AAMP: variants seen among roughly 807,000 people sequenced by gnomAD.
The protein encoded by AAMP is angio-associated migratory cell protein.
AAMP carries 12 observed loss-of-function variants against 51.1 expected under a neutral mutation model. The observed-to-expected ratio is 0.23, with a 90% CI of 0.15 to 0.38. The LOEUF is 0.38. AAMP is among the 10% of genes least tolerant of loss of function. AAMP has a pLI of 1.00. For missense variants in AAMP, 418 were observed against 557.2 expected (o/e 0.75, Z 2.52); for synonymous variants, 210 against 218.7 (o/e 0.96, Z 0.35).
At chr2:218,269,863 T>C (rs879797049) in intron 1 of AAMP, 103 bp downstream of exon 1, 132 of 1,532,808 alleles carry the variant, frequency 8.6e-5, no homozygotes, top group Non-Finnish European at 1.1e-4. Flanking sequence ...GGGATATCGG[T>C]AGGAATGACC....
chr2:218,269,673 G>A (rs1178954334), intron 1 of AAMP, 139 bp from the exon 2 acceptor site: 1 of 1,442,430 alleles, frequency 6.9e-7, no homozygotes, highest in Non-Finnish European at 9.5e-7. Context: ...GTCCGCGGGG[G>A]CGCGCGGGAC....
Position 218,269,634 on chromosome 2 carries a change from G to C in AAMP, c.122-100C>G, listed in dbSNP as rs537195081. ...GAGGCTGGGGCGGGTCATGTGGCGA[G>C]AAGGGAAGGTGGAGTCAGACACACC... On this transcript the variant is annotated intron_variant, in intron 1 of 10. Transcript: ENST00000248450. The C allele has an allele frequency of 3.4e-5, 54 of 1,589,464 alleles. No individual in the cohort carries two copies. The South Asian group carries it at 5.5e-4, about 16-fold the overall frequency.
chr2:218,266,760 C>A lies in AAMP; in HGVS notation c.534+87G>T. 6.3e-7 allele frequency: 1 copy of A among 1,585,956 alleles called. No homozygotes were observed. The highest frequency in any genetic ancestry group is 8.6e-7 in the Non-Finnish European group (1 of 1,162,728). ...GCGCATTGGCTCAGAGCTGGCTTGGCGCAATAAAGGCAGAACTGGCCTCCC... is the reference window on the plus strand; with the variant it reads ...GCGCATTGGCTCAGAGCTGGCTTGGAGCAATAAAGGCAGAACTGGCCTCCC... On this transcript the variant is annotated intron_variant, in intron 4 of 10. Transcript: ENST00000248450. The surrounding 1 kb of genome is among the most constrained non-coding windows in gnomAD (Gnocchi z 4.7).
chr2:218,268,994 G>A (rs1246922466), intron 2 of AAMP, among the ~76,000 whole-genome samples: 1 of 151,928 alleles, frequency 6.6e-6, no homozygotes. Flanking sequence ...ACCATGCCCA[G>A]CCAAATTTTT....
intron 1 of AAMP, 128 bp downstream of exon 1, chr2:218,269,838 G>A (rs1690747825): frequency 1.4e-6 from 2 of 1,418,668 alleles, no homozygotes; most frequent in East Asian, 2.3e-5. Flanking sequence ...GTGGGAGTGG[G>A]GGAGGAGGGG....
chr2:218,266,436 C>T lies in AAMP; in HGVS notation c.679+7G>A, dbSNP rs1423643215. On this transcript the variant is annotated splice_region_variant and intron_variant, in intron 5 of 10. Transcript: ENST00000248450. The surrounding 1 kb of genome is among the most constrained non-coding windows in gnomAD (Gnocchi z 4.7). ...CAGGAAAGGTCACTCAAGGGAGGTG[C>T]TCTCACCATCAGGGAGGACTCGGCC... 1 of 1,613,254 alleles carries T rather than the reference C, an allele frequency of 6.2e-7. No homozygotes were observed. The highest frequency in any genetic ancestry group is 8.5e-7 in the Non-Finnish European group (1 of 1,179,392).
Position 218,267,145 on chromosome 2 carries a change from AC to A in AAMP, c.395-160del, listed in dbSNP as rs1489797360. Among the ~76,000 whole-genome samples, 2 of 152,094 alleles carry A rather than the reference AC, an allele frequency of 1.3e-5. No homozygotes were observed. Among genetic ancestry groups the A allele is most frequent in the Non-Finnish European group, 2.9e-5 (2 of 68,008 alleles). On this transcript the variant is annotated intron_variant, in intron 3 of 10. Transcript: ENST00000248450. The surrounding 1 kb of genome is among the most constrained non-coding windows in gnomAD (Gnocchi z 4.6). ...GCTGGAACTCACCACCACTCTAGGA[AC>A]CAATACTCCCATGTCTGCTGGGAGA...
rs369713535 is a variant in AAMP at position 218,267,487 on chromosome 2, C to T, written c.394+7G>A. 8.5e-5 allele frequency: 137 copies of T among 1,613,988 alleles called. No individual in the cohort carries two copies. The highest frequency in any genetic ancestry group is 1.1e-4 in the Non-Finnish European group (127 of 1,180,006). On this transcript the variant is annotated splice_region_variant and intron_variant, in intron 3 of 10. Coordinates refer to ENST00000248450, the MANE Select transcript of AAMP (RefSeq NM_001087.5). The surrounding 1 kb of genome is among the most constrained non-coding windows in gnomAD (Gnocchi z 4.6). ...CCTCTCCCAGGCCTCTACCCCAGCC[C>T]CCTCACCTGCACACTCAAAGAGCAG...
At position 218,265,287 on chromosome 2, in the gene AAMP, T is replaced by G; in HGVS notation, c.1074+84A>C. Reference sequence around the variant, plus strand: ...ACACAAGGGCCAGGCAGGAGCCAGATCTGGGGTAGATGCTCCTGGAGGCCT... The same window carrying G: ...ACACAAGGGCCAGGCAGGAGCCAGAGCTGGGGTAGATGCTCCTGGAGGCCT... On this transcript the variant is annotated intron_variant, in intron 9 of 10. Transcript: ENST00000248450. This position sits in a 1 kb window ranked among gnomAD's most constrained non-coding sequence, Gnocchi z 6.6. 1 of 1,544,202 alleles carries G rather than the reference T, an allele frequency of 6.5e-7. No individual in the cohort carries two copies.
intron 2 of AAMP, among the ~76,000 whole-genome samples, chr2:218,268,759 C>T (rs1018539388): frequency 2.8e-5 from 4 of 143,934 alleles, no homozygotes; most frequent in Non-Finnish European, 6.0e-5. Flanking sequence ...AGTGCAATGG[C>T]GCAGTCTTGG....
In AAMP at chr2:218,266,344, AT is replaced by A; in HGVS notation, c.679+98del. On this transcript the variant is annotated intron_variant, in intron 5 of 10. Coordinates refer to ENST00000248450, the MANE Select transcript of AAMP (RefSeq NM_001087.5). The surrounding 1 kb of genome is among the most constrained non-coding windows in gnomAD (Gnocchi z 4.7). ...CAGCACTGCAAACAGCAGGCCTCAG[AT>A]TTTGCCGGCTGTGACCCAGAAGGCT... The A allele has an allele frequency of 6.6e-7, 1 of 1,524,648 alleles. No homozygotes were observed. The highest frequency in any genetic ancestry group is 8.9e-7 in the Non-Finnish European group (1 of 1,120,636). 94.4% of individuals were successfully genotyped at this position (1,524,648 alleles called of 1,614,324 possible).
chr2:218,269,794 C>A, intron 1 of AAMP, 172 bp downstream of exon 1: 1 of 1,148,774 alleles, frequency 8.7e-7, no homozygotes, highest in South Asian at 1.5e-5. Flanking sequence ...CAGGGAACCC[C>A]CACCCCAGCC....
Position 218,269,481 on chromosome 2 carries a change from C to T in AAMP, c.175G>A (p.Glu59Lys). Residue 59 changes from glutamate to lysine, a missense_variant, in exon 2 of 11, where the codon GAG (glutamate) becomes AAG (lysine). Physicochemically the swap from Glu to Lys is moderately conservative, Grantham distance 56. Coordinates refer to ENST00000248450, the MANE Select transcript of AAMP (RefSeq NM_001087.5). ...DVDFEEEEEEEGNEEGWVLEP... is the reference protein window; with the variant it reads ...DVDFEEEEEEKGNEEGWVLEP... ...AGAACCCAGCCCTCTTCGTTGCCCTCTTCCTCCTCTTCTTCCTCAAAGTCC... is the reference window on the plus strand; with the variant it reads ...AGAACCCAGCCCTCTTCGTTGCCCTTTTCCTCCTCTTCTTCCTCAAAGTCC... The T allele has an allele frequency of 1.2e-6, 2 of 1,614,264 alleles. No individual in the cohort carries two copies. Among genetic ancestry groups the T allele is most frequent in the Non-Finnish European group, 1.7e-6 (2 of 1,180,048 alleles).
rs1007357233 is a variant in AAMP at position 218,267,952 on chromosome 2, G to T, written c.275-339C>A. 6.6e-6 allele frequency among the ~76,000 whole-genome samples: 1 copy of T among 151,830 alleles called. No individual in the cohort carries two copies. The highest frequency in any genetic ancestry group is 2.4e-5 in the African/African-American group (1 of 41,216). ...GGGTACAGAGCGAGGAGAGCATCAC[G>T]TTAAGGGTTTTTTGTTTTTTGTTTT... On this transcript the variant is annotated intron_variant, in intron 2 of 10. Coordinates refer to ENST00000248450, the MANE Select transcript of AAMP (RefSeq NM_001087.5). This position sits in a 1 kb window ranked among gnomAD's most constrained non-coding sequence, Gnocchi z 4.6.
Position 218,270,111 on chromosome 2 carries a change from C to G in AAMP, c.-25G>C, listed in dbSNP as rs765415808. On this transcript the variant is annotated 5_prime_UTR_variant, in exon 1 of 11. Transcript: ENST00000248450. ...TGCGGCGCAAGCGGCGGATCCACTT[C>G]TCTGGGCCCAAACGCCTCCCAGAGT... The G allele has an allele frequency of 1.9e-6, 3 of 1,612,586 alleles. No individual in the cohort carries two copies. The South Asian group carries it at 3.3e-5, about 18-fold the overall frequency.
rs149305378 is a variant in AAMP at position 218,270,045 on chromosome 2, G to T, written c.42C>A (p.Pro14=). 63 of 1,614,140 alleles carry T rather than the reference G, an allele frequency of 3.9e-5. No individual in the cohort carries two copies. The highest frequency in any genetic ancestry group is 4.9e-5 in the Non-Finnish European group (58 of 1,180,002). The change falls in exon 1 of 11, where the codon CCC becomes CCA. Residue 14 remains proline (P), a synonymous_variant. Coordinates refer to ENST00000248450, the MANE Select transcript of AAMP (RefSeq NM_001087.5). ...CATGGAAGCTTAGGGTCTCCAGTGG[G>T]GGGGTGTCAGCAGCAGCCCCGCTTT... ...ESESGAAADT[P]PLETLSFHGD...
In AAMP at chr2:218,265,693, G is replaced by A; in HGVS notation, c.880-11C>T. 1 of 1,610,532 alleles carries A rather than the reference G, an allele frequency of 6.2e-7. No individual in the cohort carries two copies. The highest frequency in any genetic ancestry group is 2.2e-5 in the East Asian group (1 of 44,878). Reference sequence around the variant, plus strand: ...AAAAACACCCACCACCTGAAAGCCAGAGAGGATCAGAGGAGGACACGGAAT... The same window carrying A: ...AAAAACACCCACCACCTGAAAGCCAAAGAGGATCAGAGGAGGACACGGAAT... On this transcript the variant is annotated splice_polypyrimidine_tract_variant and intron_variant, in intron 7 of 10. Transcript: ENST00000248450. This position sits in a 1 kb window ranked among gnomAD's most constrained non-coding sequence, Gnocchi z 6.6.
At position 218,270,057 on chromosome 2, in the gene AAMP, A is replaced by C. The variant is rs745830769; in HGVS notation, c.30T>G (p.Ala10=). MESESESGA[A]ADTPPLETLS... ...GGGTCTCCAGTGGGGGGGTGTCAGC[A>C]GCAGCCCCGCTTTCCGATTCGGACT... The change falls in exon 1 of 11, where the codon GCT becomes GCG. Residue 10 remains alanine (A), a synonymous_variant. Transcript: ENST00000248450. 2 of 1,614,054 alleles carry C rather than the reference A, an allele frequency of 1.2e-6. No homozygotes were observed. Among genetic ancestry groups the C allele is most frequent in the Non-Finnish European group, 1.7e-6 (2 of 1,179,980 alleles).
At chr2:218,268,823 C>A (rs1168086818) in intron 2 of AAMP, among the ~76,000 whole-genome samples, 1 of 151,694 alleles carries the variant, frequency 6.6e-6, no homozygotes, top group Admixed American at 6.6e-5. Context: ...CTCAACCTCC[C>A]GAGGAGCTGG....
Sources: allele counts gnomAD v4.1 joint callset (sites outside exome capture counted in the v4.1 genomes callset), GRCh38; gene constraint gnomAD v4.1.1; non-coding constraint Gnocchi (gnomAD v3.1); transcripts MANE v1.5; gene names NCBI Gene and HGNC (gene_info 2026-07-23, HGNC 2026-07-21).